The following SLC4A8 variants were observed in gnomAD, a reference collection of about 807,000 sequenced individuals.
SLC4A8 encodes solute carrier family 4 member 8, also known as electroneutral sodium bicarbonate exchanger 1.
Under a neutral mutation model 125.0 loss-of-function variants are expected in SLC4A8, and 40 were observed. That is an observed-to-expected ratio of 0.32 (90% CI 0.25 to 0.42). The LOEUF is 0.42. Among genes scored for constraint, SLC4A8 ranks in the 10% least tolerant of loss-of-function variants. The probability of loss-of-function intolerance (pLI) is 1.00; values close to 1 mark genes in which losing one functional copy is unlikely to be tolerated. For synonymous variants in SLC4A8, 456 were observed against 476.0 expected (o/e 0.96, Z 0.55); for missense variants, 863 against 1,355.1 (o/e 0.64, Z 5.70).
chr12:51,488,118 TTGAC>T (rs1462362409), intron 17 of SLC4A8, among the ~76,000 whole-genome samples: 1 of 152,220 alleles, frequency 6.6e-6, no homozygotes, highest in Non-Finnish European at 1.5e-5. Context: ...TAATTGAAGA[TTGAC>T]TGTTTCAAAG....
intron 15 of SLC4A8, among the ~76,000 whole-genome samples, chr12:51,474,788 G>A (rs1489230386): frequency 6.6e-6 from 1 of 152,144 alleles, no homozygotes; most frequent in East Asian, 1.9e-4. Context: ...AAAAATATAA[G>A]TTGCCAGGGT....
At chr12:51,467,532 C>T (rs564696132) in intron 11 of SLC4A8, 2 of 152,286 alleles carry the variant, frequency 1.3e-5, no homozygotes, top group African/African-American at 4.8e-5. Context: ...GATCTTCTCC[C>T]CTAGCATACA....
At chr12:51,409,370 A>T (rs74645727) in intron 1 of SLC4A8, among the ~76,000 whole-genome samples, 1 of 151,972 alleles carries the variant, frequency 6.6e-6, no homozygotes, top group African/African-American at 2.4e-5. Context: ...CTTTTCTCTC[A>T]TCTTGTTATC....
Position 51,485,882 on chromosome 12 carries a change from A to G in SLC4A8, c.2268A>G (p.Gln756=). Residue 756 remains glutamine (Q), a synonymous_variant, in exon 17 of 25, where the codon CAA becomes CAG. Coordinates refer to ENST00000453097, the MANE Select transcript of SLC4A8 (RefSeq NM_001039960.3). ...FLIGVPSPKL[Q]VPSVFKPTRD... is the part of the protein sequence containing the mutation. ...TTGGAGTCCCATCACCAAAGCTTCA[A>G]GTTCCCAGTGTGTTCAAGGTAAACA... 1 of 1,601,888 alleles carries G rather than the reference A, an allele frequency of 6.2e-7. No homozygotes were observed.
intron 1 of SLC4A8, among the ~76,000 whole-genome samples, chr12:51,408,873 G>T (rs183563334): frequency 6.6e-6 from 1 of 152,054 alleles, no homozygotes; most frequent in Non-Finnish European, 1.5e-5. Context: ...GAGAAGGAGC[G>T]GGGAATGCAT....
At chr12:51,395,328 A>G (rs556056277) in intron 1 of SLC4A8, among the ~76,000 whole-genome samples, 2 of 143,950 alleles carry the variant, frequency 1.4e-5, no homozygotes, top group South Asian at 2.3e-4. Flanking sequence ...AGGAAGTCCT[A>G]TGAATTTCTT....
At chr12:51,487,975 T>C (rs577628522) in intron 17 of SLC4A8, among the ~76,000 whole-genome samples, 25 of 152,364 alleles carry the variant, frequency 1.6e-4, no homozygotes, top group South Asian at 1.2e-3. Flanking sequence ...TAAATTTTTT[T>C]GACAACAGAT....
At position 51,415,558 on chromosome 12, in the gene SLC4A8, G is replaced by C. The variant is rs566615522; in HGVS notation, c.-112+24070G>C. Among the ~76,000 whole-genome samples, 15 of 152,144 alleles carry C rather than the reference G, an allele frequency of 9.9e-5. No homozygotes were observed. In the South Asian group the frequency reaches 3.1e-3, roughly 32 times the overall value. ...GTTTTGTCTTGCTCTGTCACAGGCTGACAGAGGTAAAATAAGCTCTTCTCA... is the reference window on the plus strand; with the variant it reads ...GTTTTGTCTTGCTCTGTCACAGGCTCACAGAGGTAAAATAAGCTCTTCTCA... On this transcript the variant is annotated intron_variant, in intron 1 of 24. Coordinates refer to the SLC4A8 transcript ENST00000358657.
At chr12:51,418,097 C>A (rs1948722657) in intron 1 of SLC4A8, among the ~76,000 whole-genome samples, 1 of 152,168 alleles carries the variant, frequency 6.6e-6, no homozygotes, top group African/African-American at 2.4e-5. Context: ...GGGAAGAGAT[C>A]ATAATGGGCT....
chr12:51,458,398 A>G (rs1327426533), intron 6 of SLC4A8, among the ~76,000 whole-genome samples, 161 bp from the exon 7 acceptor site: 1 of 152,218 alleles, frequency 6.6e-6, no homozygotes, highest in Non-Finnish European at 1.5e-5. Context: ...TAACTAGTAG[A>G]TAAGGAGAAA....
rs1326023333 is a variant in SLC4A8 at position 51,471,280 on chromosome 12, G to A, written c.1659-7G>A. ...ATGCGTTCTGATGAACTTTGGTCTT[G>A]TTTCAGAGACTATGCTCTTTCATAC... On this transcript the variant is annotated splice_region_variant and splice_polypyrimidine_tract_variant and intron_variant, in intron 13 of 24. Coordinates refer to ENST00000453097, the MANE Select transcript of SLC4A8 (RefSeq NM_001039960.3). 1 of 1,608,086 alleles carries A rather than the reference G, an allele frequency of 6.2e-7. No homozygotes were observed. The highest frequency in any genetic ancestry group is 8.5e-7 in the Non-Finnish European group (1 of 1,179,136).
chr12:51,453,796 G>A (rs762022546), intron 5 of SLC4A8, 97 bp downstream of exon 5: 9 of 1,239,658 alleles, frequency 7.3e-6, no homozygotes, highest in Non-Finnish European at 1.0e-5. Context: ...ACAGTGGGTT[G>A]TGTGTCCTTG....
chr12:51,499,081 T>C (rs1489014279), intron 22 of SLC4A8, among the ~76,000 whole-genome samples: 1 of 151,646 alleles, frequency 6.6e-6, no homozygotes, highest in Non-Finnish European at 1.5e-5. Flanking sequence ...CTCAGGAGGC[T>C]GAGACAGGAG....
At chr12:51,459,200 T>G (rs1218409009) in intron 7 of SLC4A8, among the ~76,000 whole-genome samples, 1 of 152,190 alleles carries the variant, frequency 6.6e-6, no homozygotes, top group Non-Finnish European at 1.5e-5. Context: ...ACACAGATAG[T>G]GTCATATCAC....
intron 1 of SLC4A8, among the ~76,000 whole-genome samples, chr12:51,410,548 C>G (rs1303908269): frequency 6.6e-6 from 1 of 151,858 alleles, no homozygotes; most frequent in African/African-American, 2.4e-5. Context: ...ATCTCTGCCT[C>G]CCTGGTTCAA....
chr12:51,466,385 TC>T, intron 11 of SLC4A8: 1 of 152,202 alleles, frequency 6.6e-6, no homozygotes, highest in Admixed American at 6.5e-5. Flanking sequence ...ATCTCGATGA[TC>T]CCCCCACACT....
chr12:51,423,441 G>A (rs1304735333), upstream of SLC4A8, among the ~76,000 whole-genome samples: 1 of 152,162 alleles, frequency 6.6e-6, no homozygotes, highest in African/African-American at 2.4e-5. Flanking sequence ...CAAGATGACA[G>A]GATTAGTAAA....
chr12:51,461,105 A>G lies in SLC4A8; in HGVS notation c.1014-99A>G, dbSNP rs544004109. ...TTTTTTGAAGGTACAGTGATGATTTATGTACGATAAGAGAGAGAAATCTTA... is the reference window on the plus strand; with the variant it reads ...TTTTTTGAAGGTACAGTGATGATTTGTGTACGATAAGAGAGAGAAATCTTA... On this transcript the variant is annotated intron_variant, in intron 8 of 24. Transcript: ENST00000453097. 153 of 560,708 alleles carry G rather than the reference A, an allele frequency of 2.7e-4. No homozygotes were observed. In the East Asian group the frequency reaches 3.7e-3, roughly 14 times the overall value. 34.7% of individuals were successfully genotyped at this position (560,708 alleles called of 1,614,324 possible).
intron 16 of SLC4A8, among the ~76,000 whole-genome samples, chr12:51,476,906 C>CTTTTTTTTTTTT (rs67928969): frequency 9.3e-5 from 11 of 118,536 alleles, no homozygotes; most frequent in Non-Finnish European, 1.4e-4. Flanking sequence ...TTTTTCTTTT[C>CTTTTTTTTTTTT]TTTTTTTTTT....
Sources: allele counts gnomAD v4.1 joint callset (sites outside exome capture counted in the v4.1 genomes callset), GRCh38; gene constraint gnomAD v4.1.1; transcripts MANE v1.5; gene names NCBI Gene and HGNC (gene_info 2026-07-23, HGNC 2026-07-21).